The following OR10J1 variants were observed in gnomAD, a reference collection of about 807,000 sequenced individuals.
The protein encoded by OR10J1 is olfactory receptor family 10 subfamily J member 1.
For synonymous variants in OR10J1, 202 were observed against 143.8 expected (o/e 1.40, Z -2.89); for missense variants, 474 against 376.6 (o/e 1.26, Z -2.14).
chr1:159,408,789 C>T, the OR10J1 span, among the ~76,000 whole-genome samples: 1 of 151,764 alleles, frequency 6.6e-6, no homozygotes, highest in Non-Finnish European at 1.5e-5. Context: ...AGGTGACTGA[C>T]AAATAGTAAC....
chr1:159,406,288 A>G, the OR10J1 span: 4 of 523,622 alleles, frequency 7.6e-6, no homozygotes, highest in Admixed American at 7.9e-5. Context: ...AACAAAGAAG[A>G]CAAATCTGTG....
the OR10J1 span, among the ~76,000 whole-genome samples, chr1:159,416,122 A>C: frequency 6.6e-6 from 1 of 152,020 alleles, no homozygotes; most frequent in African/African-American, 2.4e-5. Flanking sequence ...AGATTATATC[A>C]TCAGCAAAGA....
the OR10J1 span, chr1:159,432,427 C>G: frequency 2.5e-6 from 1 of 405,344 alleles, no homozygotes; most frequent in South Asian, 1.2e-4. Context: ...ACCTATTATA[C>G]CGTGGCCATC....
upstream of OR10J1, among the ~76,000 whole-genome samples, chr1:159,435,700 A>C (rs1486468000): frequency 1.3e-5 from 2 of 152,112 alleles, no homozygotes; most frequent in African/African-American, 4.8e-5. Flanking sequence ...CCCATTGACA[A>C]TTCCAAAGCC....
the OR10J1 span, chr1:159,406,303 C>T: frequency 3.9e-6 from 2 of 511,630 alleles, no homozygotes; most frequent in Non-Finnish European, 4.0e-6. Flanking sequence ...TCTGTGCTGT[C>T]ACCTGAAGCT....
chr1:159,431,414 C>T, the OR10J1 span, among the ~76,000 whole-genome samples: 1 of 152,194 alleles, frequency 6.6e-6, no homozygotes, highest in Admixed American at 6.5e-5. Flanking sequence ...CTCTTGACTT[C>T]CCAGGAGTGC....
chr1:159,410,372 C>A, the OR10J1 span, among the ~76,000 whole-genome samples: 2 of 152,166 alleles, frequency 1.3e-5, no homozygotes. Flanking sequence ...GCCACAATTT[C>A]AGAGCCTGTA....
At chr1:159,399,570 C>CAAAAAAAAAAAA in the OR10J1 span, among the ~76,000 whole-genome samples, 2 of 56,100 alleles carry the variant, frequency 3.6e-5, no homozygotes, top group Non-Finnish European at 6.5e-5. Context: ...GATTCTGTCT[C>CAAAAAAAAAAAA]AAAAAAAAAA....
the OR10J1 span, among the ~76,000 whole-genome samples, chr1:159,417,381 T>A: frequency 6.6e-6 from 1 of 152,186 alleles, no homozygotes; most frequent in Admixed American, 6.6e-5. Flanking sequence ...AAATTGTAGT[T>A]CCCATAATTC....
At chr1:159,424,040 TC>T in the OR10J1 span, among the ~76,000 whole-genome samples, 2 of 151,764 alleles carry the variant, frequency 1.3e-5, no homozygotes, top group Non-Finnish European at 2.9e-5. Context: ...GATGGTGAAA[TC>T]CCATCTCTAA....
the OR10J1 span, among the ~76,000 whole-genome samples, chr1:159,426,592 A>AT: frequency 1.2e-3 from 183 of 149,704 alleles, no homozygotes; most frequent in Admixed American, 2.8e-3. Context: ...TGGAGACAAC[A>AT]TTTTTTTTTT....
chr1:159,399,342 C>T, the OR10J1 span, among the ~76,000 whole-genome samples: 23 of 151,948 alleles, frequency 1.5e-4, no homozygotes, highest in South Asian at 1.2e-3. Context: ...GAGGCTGAGG[C>T]GGGCAGATCA....
chr1:159,412,528 T>C, the OR10J1 span, among the ~76,000 whole-genome samples: 1 of 146,692 alleles, frequency 6.8e-6, no homozygotes, highest in Non-Finnish European at 1.5e-5. Flanking sequence ...TCAGAAATAA[T>C]GCCACATATC....
At chr1:159,399,570 C>CAAAAAA in the OR10J1 span, among the ~76,000 whole-genome samples, 11 of 56,104 alleles carry the variant, frequency 2.0e-4, no homozygotes, top group Non-Finnish European at 2.6e-4. Context: ...GATTCTGTCT[C>CAAAAAA]AAAAAAAAAA....
the OR10J1 span, among the ~76,000 whole-genome samples, chr1:159,410,282 C>T: frequency 6.6e-6 from 1 of 152,094 alleles, no homozygotes; most frequent in Admixed American, 6.6e-5. Flanking sequence ...GGTACCAGTT[C>T]CTCCTTGTAC....
the OR10J1 span, among the ~76,000 whole-genome samples, chr1:159,412,037 C>T: frequency 2.6e-5 from 4 of 152,034 alleles, no homozygotes; most frequent in Admixed American, 6.6e-5. Context: ...TTCTTATACA[C>T]CAATAACAGA....
chr1:159,419,624 A>G, the OR10J1 span, among the ~76,000 whole-genome samples: 10 of 152,172 alleles, frequency 6.6e-5, no homozygotes, highest in Non-Finnish European at 1.5e-4. Context: ...CTTAAATTAC[A>G]TGTATTTGTA....
the OR10J1 span, chr1:159,406,241 T>C: frequency 1.9e-6 from 1 of 529,586 alleles, no homozygotes; most frequent in East Asian, 5.4e-5. Flanking sequence ...ATAATCACAT[T>C]GCCAGAGACA....
chr1:159,415,921 A>G, the OR10J1 span, among the ~76,000 whole-genome samples: 1 of 147,704 alleles, frequency 6.8e-6, no homozygotes, highest in Non-Finnish European at 1.5e-5. Context: ...ATTTATTCCT[A>G]GTTTTTTTTC....
Sources: allele counts gnomAD v4.1 joint callset (sites outside exome capture counted in the v4.1 genomes callset), GRCh38; gene constraint gnomAD v4.1.1; transcripts MANE v1.5; gene names NCBI Gene and HGNC (gene_info 2026-07-23, HGNC 2026-07-21).